GFRA1: variants seen among roughly 807,000 people sequenced by gnomAD.
GFRA1 encodes the protein GDNF family receptor alpha 1, also known as GDNF family receptor alpha-1.
Under a neutral mutation model 51.6 loss-of-function variants are expected in GFRA1, and 16 were observed. The ratio of observed to expected loss-of-function variants is 0.31; its 90% CI spans 0.21 to 0.47. GFRA1 has a LOEUF of 0.47. GFRA1 is among the 20% of genes least tolerant of loss of function. GFRA1 has a pLI of 1.00. For synonymous variants in GFRA1, 270 were observed against 241.3 expected (o/e 1.12, Z -1.10); for missense variants, 530 against 594.3 (o/e 0.89, Z 1.13).
intron 5 of GFRA1, among the ~76,000 whole-genome samples, chr10:116,172,431 T>C (rs140032316): frequency 2.1e-3 from 326 of 152,258 alleles, no homozygotes; most frequent in Non-Finnish European, 3.7e-3. Flanking sequence ...AAGGCAGATA[T>C]AGAGACTAAA....
At chr10:116,091,860 C>T (rs1956351496) in intron 8 of GFRA1, among the ~76,000 whole-genome samples, 1 of 152,110 alleles carries the variant, frequency 6.6e-6, no homozygotes. Context: ...CTGATGCAGA[C>T]AAAATGCATT....
At chr10:116,113,594 G>T (rs1957297527) in intron 6 of GFRA1, among the ~76,000 whole-genome samples, 1 of 152,194 alleles carries the variant, frequency 6.6e-6, no homozygotes, top group African/African-American at 2.4e-5. Flanking sequence ...GAAGTTCTGT[G>T]GGTGGTTTAC....
At chr10:116,164,233 G>C (rs992360138) in intron 5 of GFRA1, among the ~76,000 whole-genome samples, 9 of 151,704 alleles carry the variant, frequency 5.9e-5, no homozygotes, top group African/African-American at 2.2e-4. Context: ...TGAATGTTCT[G>C]TAAGAATTAA....
At chr10:116,212,598 A>C (rs1214435227) in intron 4 of GFRA1, among the ~76,000 whole-genome samples, 5 of 151,784 alleles carry the variant, frequency 3.3e-5, no homozygotes, top group Non-Finnish European at 7.4e-5. Flanking sequence ...ACAAGCAGTC[A>C]CTAACTACCA....
intron 6 of GFRA1, among the ~76,000 whole-genome samples, chr10:116,124,235 CTTT>C (rs1175707643): frequency 2.8e-5 from 4 of 141,376 alleles, no homozygotes; most frequent in Non-Finnish European, 4.6e-5. Flanking sequence ...TCTTCTTCTT[CTTT>C]TTTTTTTTAA....
At chr10:116,243,409 A>G (rs1021785376) in intron 4 of GFRA1, among the ~76,000 whole-genome samples, 1 of 152,144 alleles carries the variant, frequency 6.6e-6, no homozygotes, top group Admixed American at 6.5e-5. Flanking sequence ...GCTGGTTAGA[A>G]TTTGGTACTT....
chr10:116,080,341 A>G (rs1955796916), intron 9 of GFRA1, among the ~76,000 whole-genome samples: 1 of 152,160 alleles, frequency 6.6e-6, no homozygotes, highest in Non-Finnish European at 1.5e-5. Context: ...TGGAGTGCAC[A>G]GTTTCAACTC....
At chr10:116,264,570 T>A (rs1361944224) in intron 4 of GFRA1, among the ~76,000 whole-genome samples, 1 of 152,152 alleles carries the variant, frequency 6.6e-6, no homozygotes, top group Non-Finnish European at 1.5e-5. Context: ...GAGCCCTGAG[T>A]AGAATTGCCT....
intron 5 of GFRA1, among the ~76,000 whole-genome samples, chr10:116,197,200 T>C (rs537272733): frequency 2.6e-5 from 4 of 151,702 alleles, no homozygotes; most frequent in Non-Finnish European, 5.9e-5. Flanking sequence ...CTTTGGGAGG[T>C]GATTAATTCA....
At chr10:116,230,661 C>T (rs1041593378) in intron 4 of GFRA1, among the ~76,000 whole-genome samples, 4 of 152,042 alleles carry the variant, frequency 2.6e-5, no homozygotes, top group African/African-American at 7.2e-5. Context: ...AGAGGCCATA[C>T]GTACAAACAG....
chr10:116,111,788 C>T (rs527458117), intron 6 of GFRA1, among the ~76,000 whole-genome samples: 128 of 152,328 alleles, frequency 8.4e-4, no homozygotes, highest in African/African-American at 3.0e-3. Context: ...CCCTAGACCT[C>T]ATGAATAGAA....
intron 9 of GFRA1, among the ~76,000 whole-genome samples, chr10:116,081,601 G>C (rs1193572433): frequency 2.0e-5 from 3 of 152,140 alleles, no homozygotes; most frequent in Admixed American, 6.5e-5. Flanking sequence ...AATGATAACA[G>C]TACTGACCTT....
At chr10:116,264,392 C>A (rs1969506791) in intron 4 of GFRA1, among the ~76,000 whole-genome samples, 1 of 94,278 alleles carries the variant, frequency 1.1e-5, no homozygotes, top group Non-Finnish European at 2.1e-5. Context: ...TCGTGATTGA[C>A]AGAATGCCGG....
intron 9 of GFRA1, among the ~76,000 whole-genome samples, chr10:116,080,385 A>T (rs1282226755): frequency 1.3e-5 from 2 of 152,164 alleles, no homozygotes; most frequent in African/African-American, 4.8e-5. Context: ...CAGTGCTACA[A>T]ATTGGGTGCA....
chr10:116,236,905 C>A (rs1966909298), intron 4 of GFRA1, among the ~76,000 whole-genome samples: 1 of 152,164 alleles, frequency 6.6e-6, no homozygotes, highest in Non-Finnish European at 1.5e-5. Context: ...ACAATAATAG[C>A]AAAAATGTAA....
rs547512023 is a variant in GFRA1, at chr10:116,252,962, C to T, written c.418+16541G>A. ...CTTTCTGCTATAGCACTGCACCCCC[C>T]GGCCAATATAAAAACATCTCCCTAA... On this transcript the variant is annotated intron_variant, in intron 4 of 10. Coordinates refer to ENST00000355422, the MANE Select transcript of GFRA1 (RefSeq NM_005264.8). 1.1e-4 allele frequency among the ~76,000 whole-genome samples: 16 copies of T among 152,274 alleles called. No homozygotes were observed. In the South Asian group the frequency reaches 2.1e-3, roughly 20 times the overall value.
chr10:116,191,587 C>T (rs1963271572), intron 5 of GFRA1, among the ~76,000 whole-genome samples: 1 of 152,188 alleles, frequency 6.6e-6, no homozygotes, highest in Non-Finnish European at 1.5e-5. Context: ...AAAAAAAGCA[C>T]AAGCTTTTAA....
intron 6 of GFRA1, among the ~76,000 whole-genome samples, chr10:116,106,615 G>A (rs1174385882): frequency 6.6e-6 from 1 of 152,106 alleles, no homozygotes; most frequent in African/African-American, 2.4e-5. Flanking sequence ...TCTTTTACAA[G>A]TGTGTGGCAC....
At chr10:116,139,894 T>C (rs1002128964) in intron 5 of GFRA1, among the ~76,000 whole-genome samples, 20 of 152,342 alleles carry the variant, frequency 1.3e-4, no homozygotes, top group South Asian at 4.1e-4. Flanking sequence ...CAAAGACTTA[T>C]AGGAAGCCAG....
Sources: gnomAD v4.1 joint callset for allele counts (sites outside exome capture counted in the v4.1 genomes callset) on GRCh38, gnomAD v4.1.1 for gene constraint, MANE v1.5 for transcripts, NCBI Gene and HGNC (gene_info 2026-07-23, HGNC 2026-07-21) for gene names.